LIPH: variants seen among roughly 807,000 people sequenced by gnomAD.
LIPH encodes the protein lipase H, also known as lipase member H.
Under a neutral mutation model 47.6 loss-of-function variants are expected in LIPH, and 32 were observed. That is an observed-to-expected ratio of 0.67 (90% CI 0.51 to 0.90). LIPH has a LOEUF of 0.90. Among genes scored for constraint, LIPH ranks in the 40% least tolerant of loss-of-function variants. The pLI is 0.00. For missense variants in LIPH, 497 were observed against 541.4 expected (o/e 0.92, Z 0.81); for synonymous variants, 190 against 195.6 (o/e 0.97, Z 0.24).
chr3:185,511,935 G>A (rs1388623596), intron 8 of LIPH, among the ~76,000 whole-genome samples: 1 of 151,526 alleles, frequency 6.6e-6, no homozygotes, highest in South Asian at 2.1e-4. Context: ...TCCAAAGGGC[G>A]ATGTAAGTGA....
At chr3:185,545,721 A>G (rs905128682) in intron 1 of LIPH, among the ~76,000 whole-genome samples, 2 of 152,038 alleles carry the variant, frequency 1.3e-5, no homozygotes, top group Non-Finnish European at 2.9e-5. Flanking sequence ...AAAACAAAAA[A>G]ACAAAAAAAC....
chr3:185,510,980 T>C (rs573282174), intron 9 of LIPH, among the ~76,000 whole-genome samples: 14 of 152,264 alleles, frequency 9.2e-5, no homozygotes, highest in Admixed American at 2.0e-4. Flanking sequence ...CTAGGCCATC[T>C]ACCTTATCTA....
chr3:185,519,655 G>A lies in LIPH; in HGVS notation c.719-346C>T, dbSNP rs141341970. ...GTTCGAAACCAGCCTGGCCAACATG[G>A]GGAAACCCCGTCTCTACTAAAAATA... is the stretch of plus-strand genomic sequence containing the variant. On this transcript the variant is annotated intron_variant, in intron 5 of 9. Coordinates refer to ENST00000296252, the MANE Select transcript of LIPH (RefSeq NM_139248.3). Among the ~76,000 whole-genome samples, 445 of 151,900 alleles carry A rather than the reference G, an allele frequency of 2.9e-3. 3 individuals carry two copies. The highest frequency in any genetic ancestry group is 4.6e-3 in the Non-Finnish European group (310 of 67,934).
At chr3:185,547,257 T>C (rs556379947) in intron 1 of LIPH, among the ~76,000 whole-genome samples, 1 of 152,278 alleles carries the variant, frequency 6.6e-6, no homozygotes, top group South Asian at 2.1e-4. Flanking sequence ...GTAGGACATG[T>C]AGAAGTGAAA....
At chr3:185,550,781 T>G (rs1577695802) in intron 1 of LIPH, among the ~76,000 whole-genome samples, 1 of 152,260 alleles carries the variant, frequency 6.6e-6, no homozygotes, top group South Asian at 2.1e-4. Flanking sequence ...TTGGCCAGGC[T>G]GGTCTTGAAC....
chr3:185,514,358 C>T, intron 8 of LIPH, 52 bp downstream of exon 8: 2 of 825,600 alleles, frequency 2.4e-6, no homozygotes, highest in Non-Finnish European at 2.2e-6. Context: ...GATTTAATTT[C>T]TCTGAGCAAA....
intron 9 of LIPH, among the ~76,000 whole-genome samples, chr3:185,510,519 C>T (rs1342437269): frequency 1.3e-5 from 2 of 152,112 alleles, no homozygotes; most frequent in Non-Finnish European, 2.9e-5. Flanking sequence ...CTTAATACTT[C>T]ATTGTATATT....
At chr3:185,514,267 A>C (rs745718940) in intron 8 of LIPH, 143 bp downstream of exon 8, 1 of 650,630 alleles carries the variant, frequency 1.5e-6, no homozygotes, top group Non-Finnish European at 2.8e-6. Flanking sequence ...CCAGGGAAGC[A>C]ACTAAGCAAT....
chr3:185,548,611 C>T (rs113210616), intron 1 of LIPH, among the ~76,000 whole-genome samples: 7,027 of 151,854 alleles, frequency 0.046, 279 homozygotes, highest in South Asian at 0.21. Flanking sequence ...CCTTTAGTCC[C>T]AGCTACTTGG....
At chr3:185,512,090 A>T (rs887457067) in intron 8 of LIPH, among the ~76,000 whole-genome samples, 1 of 152,246 alleles carries the variant, frequency 6.6e-6, no homozygotes, top group African/African-American at 2.4e-5. Context: ...ACAGAAATAG[A>T]TGCTTACAGA....
chr3:185,511,720 A>C, intron 8 of LIPH, 23 bp from the exon 9 acceptor site: 1 of 1,552,588 alleles, frequency 6.4e-7, no homozygotes, highest in Non-Finnish European at 8.9e-7. Context: ...AGTAATACTG[A>C]AAAATGGATA....
At chr3:185,510,737 A>T (rs1719536337) in intron 9 of LIPH, among the ~76,000 whole-genome samples, 2 of 152,200 alleles carry the variant, frequency 1.3e-5, no homozygotes, top group Non-Finnish European at 2.9e-5. Flanking sequence ...TTCTACTAAA[A>T]ATACAAAATC....
intron 1 of LIPH, among the ~76,000 whole-genome samples, chr3:185,545,144 CAG>C (rs1429577814): frequency 6.6e-6 from 1 of 152,118 alleles, no homozygotes; most frequent in Non-Finnish European, 1.5e-5. Flanking sequence ...TTATCTGAAA[CAG>C]GAGAAATTTT....
Position 185,527,556 on chromosome 3 carries a change from C to T in LIPH, c.556G>A (p.Gly186Arg). 4 of 1,612,234 alleles carry T rather than the reference C, an allele frequency of 2.5e-6. No homozygotes were observed. The highest frequency in any genetic ancestry group is 1.7e-5 in the Admixed American group (1 of 59,672). ...TCTAATCTGTCTTGGTGAGGTTTCC[C>T]GTTGAATAAAGGGCCTGCAGGGTCG... ...GLDPAGPLFN[G>R]KPHQDRLDPS... The change falls in exon 4 of 10, where the codon GGG becomes AGG. Residue 186 changes from glycine to arginine, a missense_variant. Transcript: ENST00000296252.
rs774660743 is a variant in LIPH, at chr3:185,552,453, A to G, written c.19T>C (p.Phe7Leu). MLRFYL[F>L]ISLLCLSRSD... Reference sequence around the variant, plus strand: ...CTTGACAAGCACAACAAACTGATGAATAAGTAGAATCTCAACATATGGAAA... The same window carrying G: ...CTTGACAAGCACAACAAACTGATGAGTAAGTAGAATCTCAACATATGGAAA... The change falls in exon 1 of 10, where the codon TTC becomes CTC. Residue 7 changes from phenylalanine to leucine, a missense_variant. Phe to Leu is a conservative substitution (Grantham distance 22, BLOSUM62 0). Transcript: ENST00000296252. 1.9e-6 allele frequency: 3 copies of G among 1,609,488 alleles called. No individual in the cohort carries two copies. The highest frequency in any genetic ancestry group is 1.7e-4 in the Middle Eastern group (1 of 6,052).
intron 9 of LIPH, among the ~76,000 whole-genome samples, chr3:185,510,720 TA>T (rs1402185966): frequency 1.3e-5 from 2 of 152,046 alleles, no homozygotes; most frequent in Non-Finnish European, 2.9e-5. Flanking sequence ...AATACGAAAA[TA>T]TTTTTTTCTA....
intron 9 of LIPH, among the ~76,000 whole-genome samples, chr3:185,509,163 T>C (rs1310172896): frequency 6.6e-6 from 1 of 151,260 alleles, no homozygotes; most frequent in Admixed American, 6.6e-5. Context: ...TGGTAGTGCG[T>C]GTCTGTGGTT....
Position 185,519,328 on chromosome 3 carries a change from G to A in LIPH, c.719-19C>T, listed in dbSNP as rs779542483. The A allele has an allele frequency of 1.9e-5, 30 of 1,582,238 alleles. No individual in the cohort carries two copies. Among genetic ancestry groups the A allele is most frequent in the Non-Finnish European group, 2.5e-5 (29 of 1,151,542 alleles). On this transcript the variant is annotated intron_variant, in intron 5 of 9. Transcript: ENST00000296252. ...TGAAATCCTTGGTTGTAAAAGAAGT[G>A]ATGAAAGAGTAGAGCGGTTGAAGCA...
chr3:185,538,968 T>TA (rs201915273), intron 1 of LIPH, among the ~76,000 whole-genome samples: 18,579 of 147,404 alleles, frequency 0.13, 1,473 homozygotes, highest in Middle Eastern at 0.18. Context: ...CATATATATA[T>TA]TTTTTTTTAT....
Sources: gnomAD v4.1 joint callset for allele counts (sites outside exome capture counted in the v4.1 genomes callset) on GRCh38, gnomAD v4.1.1 for gene constraint, MANE v1.5 for transcripts, NCBI Gene and HGNC (gene_info 2026-07-23, HGNC 2026-07-21) for gene names.